C2orf42: variants seen among roughly 807,000 people sequenced by gnomAD.
C2orf42 encodes uncharacterized protein C2orf42.
In C2orf42, 44 loss-of-function variants were observed where a neutral mutation model predicts 58.9. The ratio of observed to expected loss-of-function variants is 0.75; its 90% CI spans 0.59 to 0.96. The LOEUF is 0.96. Among genes scored for constraint, C2orf42 ranks in the 40% least tolerant of loss-of-function variants. The probability of loss-of-function intolerance (pLI) is 0.00; values close to 1 mark genes in which losing one functional copy is unlikely to be tolerated. For synonymous variants in C2orf42, 239 were observed against 265.4 expected, an observed-to-expected ratio of 0.90 and a Z score of 0.97; for missense variants, 630 against 699.2, an observed-to-expected ratio of 0.90 and a Z score of 1.12.
intron 8 of C2orf42, among the ~76,000 whole-genome samples, chr2:70,163,531 C>T (rs1313354080): frequency 1.3e-5 from 2 of 152,034 alleles, no homozygotes; most frequent in African/African-American, 2.4e-5. Flanking sequence ...AGGCGTGAGC[C>T]ACCGCACCCA....
chr2:70,180,027 C>T (rs371419290), intron 3 of C2orf42, among the ~76,000 whole-genome samples: 1 of 152,152 alleles, frequency 6.6e-6, no homozygotes, highest in East Asian at 1.9e-4. Flanking sequence ...TGCGGTGGCT[C>T]ACGTCTGTAA....
intron 9 of C2orf42, among the ~76,000 whole-genome samples, chr2:70,153,116 AAGG>A (rs1399344328): frequency 6.6e-6 from 1 of 152,026 alleles, no homozygotes; most frequent in Non-Finnish European, 1.5e-5. Context: ...TGGGTGTGAG[AAGG>A]AGGAGAAACC....
At chr2:70,180,662 T>TCAAC (rs1300617009) in intron 3 of C2orf42, among the ~76,000 whole-genome samples, 4 of 149,280 alleles carry the variant, frequency 2.7e-5, no homozygotes, top group South Asian at 2.1e-4. Context: ...ATCATTAATT[T>TCAAC]CAACCAACCA....
rs1200691358 is a variant in C2orf42 at position 70,181,376 on chromosome 2, A to G, written c.610T>C (p.Leu204=). 1 of 1,614,126 alleles carries G rather than the reference A, an allele frequency of 6.2e-7. No individual in the cohort carries two copies. Among genetic ancestry groups the G allele is most frequent in the Non-Finnish European group, 8.5e-7 (1 of 1,179,994 alleles). The change falls in exon 3 of 10, where the codon TTG becomes CTG. Residue 204 remains leucine, a synonymous_variant. Coordinates refer to ENST00000264434, the MANE Select transcript of C2orf42 (RefSeq NM_017880.3). ...KASQKHSLGY[L]HTSFVQKVSG... is the part of the protein sequence containing the mutation. ...ACTTTCTGCACAAAAGATGTATGCAAATACCCCAAACTGTGCTTCTGGCTT... is the reference window on the plus strand; with the variant it reads ...ACTTTCTGCACAAAAGATGTATGCAGATACCCCAAACTGTGCTTCTGGCTT...
intron 8 of C2orf42, among the ~76,000 whole-genome samples, chr2:70,164,400 A>T (rs1248568641): frequency 6.6e-6 from 1 of 151,996 alleles, no homozygotes. Flanking sequence ...TAATCCCAGC[A>T]GTTTGGGAGG....
intron 9 of C2orf42, among the ~76,000 whole-genome samples, chr2:70,156,886 A>G (rs1672710826): frequency 6.6e-6 from 1 of 151,964 alleles, no homozygotes. Flanking sequence ...AGTAAAATTT[A>G]AAAAATTAAA....
rs1240813279 is a variant in C2orf42, at chr2:70,150,297, G to A, written c.*59C>T. On this transcript the variant is annotated 3_prime_UTR_variant, in exon 10 of 10. Transcript: ENST00000264434. ...TCTAAGTGCCTAACTAGCATTTAAAGTTGTCAAGGGGTGGGGATGTGCAAA... is the reference window on the plus strand; with the variant it reads ...TCTAAGTGCCTAACTAGCATTTAAAATTGTCAAGGGGTGGGGATGTGCAAA... The A allele has an allele frequency of 6.9e-7, 1 of 1,458,396 alleles. No individual in the cohort carries two copies. The highest frequency in any genetic ancestry group is 1.4e-5 in the African/African-American group (1 of 71,956). 90.3% of individuals were successfully genotyped at this position (1,458,396 alleles called of 1,614,324 possible). A position where few individuals can be genotyped will look rare whatever the true frequency, so the allele number is the denominator to read the frequency against.
Position 70,181,746 on chromosome 2 carries a change from T to G in C2orf42, c.240A>C (p.Arg80Ser). ...SDLQVYSVRQ[R>S]DRGPDYRCFV... ...AGCATCGGTAATCAGGGCCCCGGTC[T>G]CTTTGCCGCACTGAGTAGACCTGAA... Residue 80 changes from arginine to serine, a missense_variant, in exon 3 of 10, where the codon AGA becomes AGC. Arg to Ser is a moderately radical substitution (Grantham distance 110, BLOSUM62 -1). Transcript: ENST00000264434. 1 of 1,614,168 alleles carries G rather than the reference T, an allele frequency of 6.2e-7. No individual in the cohort carries two copies. Among genetic ancestry groups the G allele is most frequent in the Non-Finnish European group, 8.5e-7 (1 of 1,180,020 alleles).
chr2:70,189,883 G>GTGGA (rs1342459807), intron 1 of C2orf42, among the ~76,000 whole-genome samples: 3 of 151,358 alleles, frequency 2.0e-5, no homozygotes, highest in African/African-American at 7.3e-5. Context: ...AAGATACACT[G>GTGGA]TGGAGTGAAA....
chr2:70,174,314 A>G (rs963943879), intron 5 of C2orf42, among the ~76,000 whole-genome samples: 2 of 152,114 alleles, frequency 1.3e-5, no homozygotes, highest in African/African-American at 2.4e-5. Context: ...TCCAATAAAT[A>G]AATAAATAAA....
intron 4 of C2orf42, among the ~76,000 whole-genome samples, chr2:70,179,274 CAT>C (rs140984795): frequency 0.15 from 23,154 of 151,818 alleles, 2,849 homozygotes; most frequent in African/African-American, 0.33. Context: ...AGAACAAAAA[CAT>C]AATATTTCTT....
chr2:70,173,589 T>G (rs1238512126), intron 5 of C2orf42, among the ~76,000 whole-genome samples: 1 of 151,868 alleles, frequency 6.6e-6, no homozygotes, highest in Non-Finnish European at 1.5e-5. Context: ...TCATAAGTTC[T>G]TAATGAATTA....
chr2:70,170,076 C>T (rs1471577534), intron 5 of C2orf42, among the ~76,000 whole-genome samples: 1 of 151,122 alleles, frequency 6.6e-6, no homozygotes, highest in Non-Finnish European at 1.5e-5. Flanking sequence ...TATTTATTGA[C>T]AAGGCTTTGT....
intron 9 of C2orf42, among the ~76,000 whole-genome samples, chr2:70,157,572 G>A (rs562687740): frequency 2.0e-5 from 3 of 152,308 alleles, no homozygotes; most frequent in African/African-American, 4.8e-5. Context: ...CAAGGTGGGC[G>A]GATCATCTGA....
At chr2:70,180,544 G>A (rs1176742707) in intron 3 of C2orf42, among the ~76,000 whole-genome samples, 2 of 145,302 alleles carry the variant, frequency 1.4e-5, no homozygotes, top group South Asian at 4.4e-4. Context: ...GGAGGCAGGG[G>A]TTGCGGTGAG....
rs1478624361 is a variant in C2orf42, at chr2:70,149,999, C to T, written c.*357G>A. The T allele has an allele frequency of 3.3e-6, 1 of 299,618 alleles. No homozygotes were observed. The highest frequency in any genetic ancestry group is 6.4e-6 in the Non-Finnish European group (1 of 155,878). 18.6% of individuals were successfully genotyped at this position (299,618 alleles called of 1,614,324 possible). A position where few individuals can be genotyped will look rare whatever the true frequency, so the allele number is the denominator to read the frequency against. ...TAACCAGGGTGTTAACTTTCCAACA[C>T]TGTTGGTGTATGGCTGAGTGCTGCA... On this transcript the variant is annotated 3_prime_UTR_variant, in exon 10 of 10. Coordinates refer to ENST00000264434, the MANE Select transcript of C2orf42 (RefSeq NM_017880.3).
At position 70,175,689 on chromosome 2, in the gene C2orf42, G is replaced by A; in HGVS notation, c.1023C>T (p.Ser341=). Residue 341 remains serine, a synonymous_variant, in exon 5 of 10, where the codon TCC becomes TCT. Coordinates refer to ENST00000264434, the MANE Select transcript of C2orf42 (RefSeq NM_017880.3). ...KSGLKKPVVA[S]SLKRQACGQL... ...GAAACTTACCCTGCCTTTTTAACGA[G>A]GAAGCAACCACAGGCTTTTTCAGGC... 1 of 1,609,374 alleles carries A rather than the reference G, an allele frequency of 6.2e-7. No individual in the cohort carries two copies. Among genetic ancestry groups the A allele is most frequent in the South Asian group, 1.1e-5 (1 of 90,966 alleles).
chr2:70,187,619 A>G (rs1332129539), intron 1 of C2orf42, among the ~76,000 whole-genome samples: 2 of 152,094 alleles, frequency 1.3e-5, no homozygotes, highest in Non-Finnish European at 2.9e-5. Flanking sequence ...TTATAAATCC[A>G]TATTTCTTTA....
rs1445883130 is a variant in C2orf42 at position 70,181,228 on chromosome 2, C to T, written c.758G>A (p.Cys253Tyr). Residue 253 changes from cysteine to tyrosine, a missense_variant, in exon 3 of 10, where the codon TGT becomes TAT. Physicochemically the swap from Cys to Tyr is radical, Grantham distance 194. Transcript: ENST00000264434. ...QRCIHFFACI[C>Y]AFASDETLAQ... ...CAGTGTCTCATCACTGGCAAAGGCA[C>T]AGATGCAAGCAAAGAAATGAATGCA... The T allele has an allele frequency of 3.1e-6, 5 of 1,603,262 alleles. No individual in the cohort carries two copies. The highest frequency in any genetic ancestry group is 4.3e-6 in the Non-Finnish European group (5 of 1,171,616).
Sources: gnomAD v4.1 joint callset for allele counts (sites outside exome capture counted in the v4.1 genomes callset) on GRCh38, gnomAD v4.1.1 for gene constraint, MANE v1.5 for transcripts, NCBI Gene and HGNC (gene_info 2026-07-23, HGNC 2026-07-21) for gene names.